The following MEGF6 variants were observed in gnomAD, a reference collection of about 807,000 sequenced individuals.
MEGF6 encodes the protein multiple EGF like domains 6, also known as multiple epidermal growth factor-like domains protein 6.
Under a neutral mutation model 207.1 loss-of-function variants are expected in MEGF6, and 184 were observed. That is an observed-to-expected ratio of 0.89 (90% CI 0.79 to 1.00). The LOEUF (loss-of-function observed/expected upper bound fraction) is 1.00, where lower values mean the gene tolerates loss of function less well. MEGF6 is among the 50% of genes least tolerant of loss of function. The pLI is 0.00. For missense variants in MEGF6, 2,282 were observed against 2,202.9 expected (o/e 1.04, Z -0.72); for synonymous variants, 1,038 against 910.0 (o/e 1.14, Z -2.53).
At chr1:3,539,398 G>C (rs962394388) in intron 4 of MEGF6, among the ~76,000 whole-genome samples, 3 of 152,060 alleles carry the variant, frequency 2.0e-5, no homozygotes, top group Admixed American at 2.0e-4. Context: ...AGGCTCAGGG[G>C]GCTCAGCGGG....
intron 5 of MEGF6, among the ~76,000 whole-genome samples, chr1:3,523,711 G>A (rs1320726134): frequency 1.3e-5 from 2 of 152,184 alleles, no homozygotes; most frequent in African/African-American, 2.4e-5. Flanking sequence ...CGTGACCCAG[G>A]TCTCCCTCAA....
rs1028513994 is a variant in MEGF6 at position 3,573,757 on chromosome 1, G to A, written c.481+6068C>T. Reference sequence around the variant, plus strand: ...GCAGCGGCAGCTCCCAGGCCTGGCCGTGGCTGGTCGCCAAGAGCAGCCCTG... The same window carrying A: ...GCAGCGGCAGCTCCCAGGCCTGGCCATGGCTGGTCGCCAAGAGCAGCCCTG... On this transcript the variant is annotated intron_variant, in intron 4 of 36. Coordinates refer to ENST00000356575, the MANE Select transcript of MEGF6 (RefSeq NM_001409.4). This position sits in a 1 kb window ranked among gnomAD's most constrained non-coding sequence, Gnocchi z 5.1. 2.0e-5 allele frequency among the ~76,000 whole-genome samples: 3 copies of A among 152,194 alleles called. No homozygotes were observed. The highest frequency in any genetic ancestry group is 2.9e-5 in the Non-Finnish European group (2 of 68,032).
rs185984560 is a variant in MEGF6 at position 3,537,065 on chromosome 1, C to T, written c.482-12819G>A. Reference sequence around the variant, plus strand: ...CTCTGAATGCAGAGCTAGTGTTGGGCGAAGCTGGGCTGGGTGTGGGAGCCA... The same window carrying T: ...CTCTGAATGCAGAGCTAGTGTTGGGTGAAGCTGGGCTGGGTGTGGGAGCCA... On this transcript the variant is annotated intron_variant, in intron 4 of 36. Transcript: ENST00000356575. Among the ~76,000 whole-genome samples the T allele has an allele frequency of 4.6e-5, 7 of 152,364 alleles. No individual in the cohort carries two copies. The East Asian group carries it at 7.7e-4, about 17-fold the overall frequency.
chr1:3,617,444 C>T, the MEGF6 span, among the ~76,000 whole-genome samples: 3 of 152,040 alleles, frequency 2.0e-5, no homozygotes, highest in African/African-American at 4.8e-5. Flanking sequence ...AACACATGGA[C>T]ACATGTGGGG....
intron 4 of MEGF6, among the ~76,000 whole-genome samples, chr1:3,577,377 C>A (rs746769231): frequency 6.6e-6 from 1 of 152,248 alleles, no homozygotes; most frequent in African/African-American, 2.4e-5. Flanking sequence ...TGTCCCTGCA[C>A]CAGGTGGCAG....
chr1:3,619,964 G>A, the MEGF6 span, among the ~76,000 whole-genome samples: 12 of 152,178 alleles, frequency 7.9e-5, no homozygotes, highest in Non-Finnish European at 1.8e-4. Context: ...ATAGTGATAC[G>A]GACAATGTCC....
In MEGF6 at chr1:3,512,026, G is replaced by A; in HGVS notation, c.956C>T (p.Ala319Val). ...CVCHAGYELG[A>V]DGRQCYRIEM... is the part of the protein sequence containing the mutation. ...CTCACGGTAGCACTGCCGGCCATCG[G>A]CGCCCAGCTCATAGCCCGCGTGACA... The change falls in exon 8 of 37, where the codon GCC becomes GTC. Residue 319 changes from alanine to valine, a missense_variant. Coordinates refer to ENST00000356575, the MANE Select transcript of MEGF6 (RefSeq NM_001409.4). 6.2e-7 allele frequency: 1 copy of A among 1,612,562 alleles called. No individual in the cohort carries two copies. The highest frequency in any genetic ancestry group is 8.5e-7 in the Non-Finnish European group (1 of 1,179,952).
At chr1:3,618,918 C>T in the MEGF6 span, among the ~76,000 whole-genome samples, 3 of 152,208 alleles carry the variant, frequency 2.0e-5, no homozygotes, top group Admixed American at 6.5e-5. The surrounding 1 kb of genome is among the most constrained non-coding windows in gnomAD (Gnocchi z 4.7). Context: ...GAGCTGGTGC[C>T]GGCACCTAGA....
chr1:3,522,739 G>A (rs1223080950), intron 5 of MEGF6, among the ~76,000 whole-genome samples: 2 of 152,102 alleles, frequency 1.3e-5, no homozygotes, highest in East Asian at 1.9e-4. Context: ...TAGGAGGCCA[G>A]GAGAAGGGAT....
Position 3,590,830 on chromosome 1 carries a change from C to T in MEGF6, c.376+4508G>A, listed in dbSNP as rs539526375. Among the ~76,000 whole-genome samples, 13 of 152,286 alleles carry T rather than the reference C, an allele frequency of 8.5e-5. No individual in the cohort carries two copies. In the East Asian group the frequency reaches 2.5e-3, roughly 29 times the overall value. The stretch of plus-strand genomic sequence containing the variant: ...AGAGCCAAGCCCTGACCCACAGGGC[C>T]CTCTAAAGAGTGAGCGTCTGTCCTG... On this transcript the variant is annotated intron_variant, in intron 3 of 36. Coordinates refer to ENST00000356575, the MANE Select transcript of MEGF6 (RefSeq NM_001409.4).
At chr1:3,590,439 G>A (rs556335359) in intron 3 of MEGF6, among the ~76,000 whole-genome samples, 71 of 152,330 alleles carry the variant, frequency 4.7e-4, no homozygotes, top group Admixed American at 4.6e-3. Flanking sequence ...ACTGCACCCG[G>A]GCCACAGGCT....
At chr1:3,621,177 TAG>T in the MEGF6 span, among the ~76,000 whole-genome samples, 6 of 151,650 alleles carry the variant, frequency 4.0e-5, no homozygotes, top group African/African-American at 1.5e-4. Context: ...GGTGGAGGAG[TAG>T]AGTCTTCTCT....
In MEGF6 at chr1:3,528,274, A is replaced by G. The variant is rs1642032800; in HGVS notation, c.482-4028T>C. 2.0e-5 allele frequency among the ~76,000 whole-genome samples: 3 copies of G among 152,188 alleles called. No homozygotes were observed. In the South Asian group the frequency reaches 6.2e-4, roughly 32 times the overall value. On this transcript the variant is annotated intron_variant, in intron 4 of 36. Transcript: ENST00000356575. ...AGAAATGATTTTCACTCAGAAAGCAAGGTAGGAACGCGTCACCCAAACCCT... is the reference window on the plus strand; with the variant it reads ...AGAAATGATTTTCACTCAGAAAGCAGGGTAGGAACGCGTCACCCAAACCCT...
intron 4 of MEGF6, among the ~76,000 whole-genome samples, chr1:3,574,973 C>G (rs185996846): frequency 9.2e-5 from 14 of 152,196 alleles, no homozygotes; most frequent in African/African-American, 3.4e-4. Flanking sequence ...CAAGAAAGTA[C>G]CTAGAGGTGA....
chr1:3,616,806 G>A, the MEGF6 span, among the ~76,000 whole-genome samples: 24 of 152,224 alleles, frequency 1.6e-4, no homozygotes, highest in African/African-American at 5.5e-4. Flanking sequence ...GGGGAGAACG[G>A]GAATCCCGGA....
intron 4 of MEGF6, among the ~76,000 whole-genome samples, chr1:3,578,642 C>T (rs1413321773): frequency 3.3e-5 from 5 of 152,230 alleles, no homozygotes; most frequent in South Asian, 2.1e-4. Context: ...CAGGCACTCG[C>T]GGTGACTCGG....
intron 12 of MEGF6, 72 bp from the exon 13 acceptor site, chr1:3,508,761 G>C: frequency 6.4e-7 from 1 of 1,569,328 alleles, no homozygotes; most frequent in South Asian, 1.2e-5. Context: ...GCCCGGCTCA[G>C]ACCCTCAGGC....
intron 16 of MEGF6, 31 bp downstream of exon 16, chr1:3,505,391 C>A (rs779270523): frequency 9.4e-6 from 15 of 1,599,212 alleles, no homozygotes; most frequent in South Asian, 7.8e-5. Context: ...CCCTGGCGCC[C>A]CCCGCCCCCA....
At chr1:3,601,660 C>T (rs78066551) in intron 2 of MEGF6, among the ~76,000 whole-genome samples, 6,504 of 152,322 alleles carry the variant, frequency 0.043, 471 homozygotes, top group African/African-American at 0.15. Context: ...GGTAGGAAGA[C>T]AGAACTGCCC....
Sources: gnomAD v4.1 joint callset for allele counts (sites outside exome capture counted in the v4.1 genomes callset) on GRCh38, gnomAD v4.1.1 for gene constraint, Gnocchi (gnomAD v3.1) non-coding constraint, MANE v1.5 for transcripts, NCBI Gene and HGNC (gene_info 2026-07-23, HGNC 2026-07-21) for gene names.